KLHL13: variants seen among roughly 807,000 people sequenced by gnomAD.
KLHL13 encodes kelch-like protein 13.
KLHL13 carries 10 observed loss-of-function variants against 37.1 expected under a neutral mutation model. The ratio of observed to expected loss-of-function variants is 0.27; its 90% CI spans 0.17 to 0.46. The LOEUF is 0.46. KLHL13 is among the 20% of genes least tolerant of loss of function. The pLI is 1.00. For synonymous variants in KLHL13, 163 were observed against 181.2 expected, an observed-to-expected ratio of 0.90 and a Z score of 0.81; for missense variants, 360 against 509.3, an observed-to-expected ratio of 0.71 and a Z score of 2.82.
chrX:118,014,237 A>G (rs1406504963), intron 1 of KLHL13, among the ~76,000 whole-genome samples: 1 of 111,457 alleles, frequency 9.0e-6, no homozygotes. Flanking sequence ...TTTTCCCAGC[A>G]AGGAATATTA....
rs745477941 is a variant in KLHL13, at chrX:117,992,030, G to A, written c.-55-46455C>T. Among the ~76,000 whole-genome samples, 8 of 110,168 alleles carry A rather than the reference G, an allele frequency of 7.3e-5. No individual in the cohort carries two copies. The South Asian group carries it at 2.7e-3, about 38-fold the overall frequency. On this transcript the variant is annotated intron_variant, in intron 1 of 6. Transcript: ENST00000371882. Reference sequence around the variant, plus strand: ...AGCTGCCAGGATGAGGTGGCTATCAGTTATTCACACATTGGCATGAATGAG... The same window carrying A: ...AGCTGCCAGGATGAGGTGGCTATCAATTATTCACACATTGGCATGAATGAG...
intron 1 of KLHL13, among the ~76,000 whole-genome samples, chrX:118,060,622 A>G (rs1267068991): frequency 3.6e-5 from 4 of 111,392 alleles, no homozygotes; most frequent in Admixed American, 2.9e-4. Flanking sequence ...CAGATTAAAA[A>G]AAACAGAGGC....
intron 2 of KLHL13, among the ~76,000 whole-genome samples, chrX:117,944,084 C>T (rs1489612177): frequency 1.8e-5 from 2 of 111,170 alleles, no homozygotes; most frequent in African/African-American, 3.3e-5. Context: ...TAACAGGCCC[C>T]TCTGCTGCAG....
At chrX:118,013,721 C>T (rs2147994815) in intron 1 of KLHL13, among the ~76,000 whole-genome samples, 1 of 112,368 alleles carries the variant, frequency 8.9e-6, no homozygotes, top group East Asian at 2.8e-4. Context: ...ACTACTACAA[C>T]TAATACCCCC....
chrX:117,911,539 TC>T (rs201441439), intron 4 of KLHL13, among the ~76,000 whole-genome samples: 9,395 of 111,641 alleles, frequency 0.084, 348 homozygotes, highest in Middle Eastern at 0.14. Context: ...CCTAATGCTA[TC>T]CCTCCTCTAG....
At chrX:117,965,739 G>A (rs1295012859) in intron 1 of KLHL13, among the ~76,000 whole-genome samples, 1 of 111,674 alleles carries the variant, frequency 9.0e-6, no homozygotes, top group East Asian at 2.8e-4. Context: ...GGGATGCAAG[G>A]CTGGTTCAAC....
chrX:118,098,542 A>G (rs945738478), intron 1 of KLHL13, among the ~76,000 whole-genome samples: 1 of 110,665 alleles, frequency 9.0e-6, no homozygotes, highest in Non-Finnish European at 1.9e-5. Context: ...CTAGAACTAG[A>G]AATACCATTT....
intron 1 of KLHL13, among the ~76,000 whole-genome samples, chrX:117,964,918 C>T (rs1175962810): frequency 9.0e-6 from 1 of 111,572 alleles, no homozygotes; most frequent in Admixed American, 9.5e-5. Flanking sequence ...GACATGAACT[C>T]ATCATTTTTT....
At chrX:117,920,952 A>G in intron 2 of KLHL13, among the ~76,000 whole-genome samples, 1 of 111,708 alleles carries the variant, frequency 9.0e-6, no homozygotes, top group Non-Finnish European at 1.9e-5. Context: ...TTTGAGACTT[A>G]ATTATCTTTG....
rs149961019 is a variant in KLHL13 at position 118,088,193 on chromosome X, A to G, written c.-56+28315T>C. ...CCTAGGAAATTTATTGTTAAAGCAG[A>G]TAGCCTTTTCCTCAATCCAATCTAC... On this transcript the variant is annotated intron_variant, in intron 1 of 6. Transcript: ENST00000371882. Among the ~76,000 whole-genome samples the G allele has an allele frequency of 7.8e-3, 877 of 112,060 alleles. 7 individuals are homozygous for G. Among genetic ancestry groups the G allele is most frequent in the African/African-American group, 0.027 (845 of 30,948 alleles).
chrX:118,114,860 T>C (rs1248325645), intron 1 of KLHL13, among the ~76,000 whole-genome samples: 1 of 112,573 alleles, frequency 8.9e-6, no homozygotes, highest in Non-Finnish European at 1.9e-5. Flanking sequence ...TTGAAAACCT[T>C]GGGCTTTTTA....
rs1375813320 is a variant in KLHL13, at chrX:118,094,694, A to G, written c.-56+21814T>C. ...CCATCAGACTAACAGCTGATCTCTC[A>G]GCAGAAACTCTACAAGCCAGAAGAG... On this transcript the variant is annotated intron_variant, in intron 1 of 6. Coordinates refer to the KLHL13 transcript ENST00000371882. 1.7e-4 allele frequency among the ~76,000 whole-genome samples: 19 copies of G among 111,838 alleles called. No individual in the cohort carries two copies. In the South Asian group the frequency reaches 3.4e-3, roughly 20 times the overall value.
intron 4 of KLHL13, among the ~76,000 whole-genome samples, chrX:117,913,569 G>A (rs1931128572): frequency 8.9e-6 from 1 of 112,205 alleles, no homozygotes; most frequent in Non-Finnish European, 1.9e-5. Flanking sequence ...AACAAGGCCG[G>A]GGGCGGTGGC....
At chrX:118,022,195 G>T (rs146527621) in intron 1 of KLHL13, among the ~76,000 whole-genome samples, 5,990 of 111,750 alleles carry the variant, frequency 0.054, 399 homozygotes, top group African/African-American at 0.18. Context: ...TTAAAAGACT[G>T]AATAATATCC....
At chrX:118,042,004 G>A (rs2054511319) in intron 1 of KLHL13, among the ~76,000 whole-genome samples, 1 of 111,298 alleles carries the variant, frequency 9.0e-6, no homozygotes, top group African/African-American at 3.3e-5. Context: ...TCAAAAATAA[G>A]GGAATGGAAA....
At chrX:118,073,853 G>A (rs895590340) in intron 1 of KLHL13, among the ~76,000 whole-genome samples, 2 of 110,982 alleles carry the variant, frequency 1.8e-5, no homozygotes, top group Admixed American at 9.6e-5. Context: ...TTTCACCCTC[G>A]TATCTGTCAG....
chrX:117,972,241 C>T (rs2053536367), intron 1 of KLHL13, among the ~76,000 whole-genome samples: 1 of 111,671 alleles, frequency 9.0e-6, no homozygotes, highest in African/African-American at 3.3e-5. Flanking sequence ...TATTAATATT[C>T]ATACACAACT....
Position 118,032,662 on chromosome X carries a change from G to C in KLHL13, c.-56+83846C>G, listed in dbSNP as rs2054371246. ...GGGAAAAAACAGAGCAGAAAAACTG[G>C]AAACTCTAAAAAGCAGAGCACCTCT... On this transcript the variant is annotated intron_variant, in intron 1 of 6. Coordinates refer to the KLHL13 transcript ENST00000371882. Among the ~76,000 whole-genome samples the C allele has an allele frequency of 1.8e-5, 2 of 112,013 alleles. 1 individual carries two copies. Among genetic ancestry groups the C allele is most frequent in the South Asian group, 7.5e-4 (2 of 2,678 alleles).
chrX:118,022,332 C>G (rs1216760206), intron 1 of KLHL13, among the ~76,000 whole-genome samples: 1 of 111,725 alleles, frequency 9.0e-6, no homozygotes, highest in Non-Finnish European at 1.9e-5. Flanking sequence ...AGTGCTAATT[C>G]CATTACTCTT....
Sources: allele counts gnomAD v4.1 joint callset (sites outside exome capture counted in the v4.1 genomes callset), GRCh38; gene constraint gnomAD v4.1.1; transcripts MANE v1.5; gene names NCBI Gene and HGNC (gene_info 2026-07-23, HGNC 2026-07-21).